Variants in PCCA observed in about 807,000 individuals in gnomAD.
PCCA encodes propionyl-CoA carboxylase subunit alpha, also known as propionyl-CoA carboxylase alpha chain, mitochondrial.
PCCA carries 74 observed loss-of-function variants against 101.3 expected under a neutral mutation model. The observed-to-expected ratio is 0.73, with a 90% CI of 0.61 to 0.89. PCCA has a LOEUF of 0.89. Ranked by LOEUF, PCCA falls within the 40% of genes least tolerant of loss-of-function variation. The probability of loss-of-function intolerance (pLI) is 0.00; values close to 1 mark genes in which losing one functional copy is unlikely to be tolerated. For synonymous variants in PCCA, 294 were observed against 313.6 expected, an observed-to-expected ratio of 0.94 and a Z score of 0.66; for missense variants, 891 against 907.0, an observed-to-expected ratio of 0.98 and a Z score of 0.23.
intron 21 of PCCA, among the ~76,000 whole-genome samples, chr13:100,508,763 A>G (rs766189004): frequency 1.3e-5 from 2 of 152,102 alleles, no homozygotes; most frequent in Non-Finnish European, 2.9e-5. Context: ...AGGGCTTTAC[A>G]CTGTCTCCAC....
chr13:100,152,545 C>T (rs1174412351), intron 4 of PCCA, among the ~76,000 whole-genome samples: 1 of 152,092 alleles, frequency 6.6e-6, no homozygotes, highest in Non-Finnish European at 1.5e-5. Context: ...CTCCCGGGTT[C>T]ACGCCATTCT....
intron 19 of PCCA, among the ~76,000 whole-genome samples, chr13:100,404,119 T>G (rs920147963): frequency 3.3e-5 from 5 of 152,138 alleles, no homozygotes; most frequent in African/African-American, 1.2e-4. Flanking sequence ...TGCATGACCA[T>G]TTGGAGTTTG....
intron 18 of PCCA, among the ~76,000 whole-genome samples, chr13:100,345,488 G>A (rs1264900321): frequency 3.3e-5 from 5 of 152,138 alleles, no homozygotes; most frequent in East Asian, 1.9e-4. Flanking sequence ...AGGAAGCTGC[G>A]GAAGAAAAGC....
At chr13:100,348,082 A>T in intron 18 of PCCA, among the ~76,000 whole-genome samples, 1 of 152,160 alleles carries the variant, frequency 6.6e-6, no homozygotes, top group East Asian at 1.9e-4. Context: ...TCATGTTTTC[A>T]CAATCGGCTT....
At chr13:100,132,080 G>A (rs1315767553) in intron 4 of PCCA, among the ~76,000 whole-genome samples, 1 of 152,072 alleles carries the variant, frequency 6.6e-6, no homozygotes, top group Non-Finnish European at 1.5e-5. Flanking sequence ...GTTAGATAGG[G>A]CTAATGTACT....
intron 21 of PCCA, among the ~76,000 whole-genome samples, chr13:100,452,437 T>A (rs1382026556): frequency 6.6e-6 from 1 of 152,192 alleles, no homozygotes; most frequent in Non-Finnish European, 1.5e-5. Context: ...TTGTTGCTCT[T>A]CTTCAGACCT....
At chr13:100,282,803 A>C (rs997390056) in intron 12 of PCCA, among the ~76,000 whole-genome samples, 6 of 152,098 alleles carry the variant, frequency 3.9e-5, no homozygotes, top group Admixed American at 2.0e-4. Context: ...CAGCTATGCA[A>C]AGCTTGCAAT....
intron 7 of PCCA, among the ~76,000 whole-genome samples, chr13:100,216,706 G>C (rs1028501805): frequency 6.6e-6 from 1 of 152,152 alleles, no homozygotes; most frequent in African/African-American, 2.4e-5. Flanking sequence ...AAAATTAAAA[G>C]ACAATAGAAA....
chr13:100,222,243 AT>A (rs2059865852), intron 7 of PCCA, among the ~76,000 whole-genome samples: 1 of 151,730 alleles, frequency 6.6e-6, no homozygotes, highest in African/African-American at 2.4e-5. Context: ...TTTTTTAGTA[AT>A]TTTTGTATTT....
intron 21 of PCCA, among the ~76,000 whole-genome samples, chr13:100,470,645 GTC>G (rs1412006837): frequency 6.6e-6 from 1 of 151,870 alleles, no homozygotes; most frequent in Non-Finnish European, 1.5e-5. Flanking sequence ...ATGTTCACTT[GTC>G]TCTGCAAAAA....
Position 100,112,029 on chromosome 13 carries a change from G to GT in PCCA, c.270dup (p.Ala91CysfsTer5). ...TTGCAAGAAGATGGGCATTAAGACA[G>GT]TTGCCATCCACAGTGATGTTGATGC... On this transcript the variant is annotated frameshift_variant, in exon 4 of 24. Transcript: ENST00000376285. LOFTEE classifies it high-confidence loss of function. 6.2e-7 allele frequency: 1 copy of GT among 1,611,130 alleles called. No homozygotes were observed. The highest frequency in any genetic ancestry group is 8.5e-7 in the Non-Finnish European group (1 of 1,178,798).
At chr13:100,436,095 G>A (rs1309591158) in intron 20 of PCCA, among the ~76,000 whole-genome samples, 9 of 152,210 alleles carry the variant, frequency 5.9e-5, no homozygotes, top group African/African-American at 2.2e-4. Flanking sequence ...GTACTCCACA[G>A]TGTGGGAGCG....
intron 12 of PCCA, among the ~76,000 whole-genome samples, chr13:100,278,485 AT>A (rs35433903): frequency 2.4e-3 from 342 of 141,602 alleles, no homozygotes; most frequent in East Asian, 4.6e-3. Flanking sequence ...CCGATAGTTG[AT>A]TTTTTTTTTT....
intron 20 of PCCA, among the ~76,000 whole-genome samples, chr13:100,434,713 C>T (rs1166041300): frequency 1.3e-5 from 2 of 152,206 alleles, no homozygotes; most frequent in East Asian, 1.9e-4. Context: ...GCACAATCCA[C>T]GTCTGGCCAC....
intron 20 of PCCA, among the ~76,000 whole-genome samples, chr13:100,438,253 C>T (rs1424193670): frequency 6.6e-6 from 1 of 151,998 alleles, no homozygotes; most frequent in African/African-American, 2.4e-5. Context: ...CTCCCAGACT[C>T]AACTGATCCT....
intron 5 of PCCA, 44 bp from the exon 6 acceptor site, chr13:100,157,243 G>A (rs1243104861): frequency 2.9e-6 from 4 of 1,370,818 alleles, no homozygotes; most frequent in Non-Finnish European, 4.2e-6. Context: ...TAAAGCTTTT[G>A]CAATATGATA....
chr13:100,346,771 A>G (rs1348583017), intron 18 of PCCA, among the ~76,000 whole-genome samples: 3 of 152,176 alleles, frequency 2.0e-5, no homozygotes. Context: ...CAGCCTCCCC[A>G]GCCTTCAGCA....
At chr13:100,187,186 T>C (rs1424686490) in intron 6 of PCCA, among the ~76,000 whole-genome samples, 1 of 152,192 alleles carries the variant, frequency 6.6e-6, no homozygotes, top group Non-Finnish European at 1.5e-5. Flanking sequence ...CTCCATTCCA[T>C]GGATGTTTAA....
At chr13:100,134,198 C>T (rs985485720) in intron 4 of PCCA, among the ~76,000 whole-genome samples, 1 of 152,172 alleles carries the variant, frequency 6.6e-6, no homozygotes, top group Non-Finnish European at 1.5e-5. Context: ...ATTACTTTTG[C>T]ACCTCTGTCA....
Sources: allele counts gnomAD v4.1 joint callset (sites outside exome capture counted in the v4.1 genomes callset), GRCh38; gene constraint gnomAD v4.1.1; transcripts MANE v1.5; gene names NCBI Gene and HGNC (gene_info 2026-07-23, HGNC 2026-07-21).